The following NELFA variants were observed in gnomAD, a reference collection of about 807,000 sequenced individuals.
The protein encoded by NELFA is negative elongation factor complex member A, also known as negative elongation factor A.
NELFA carries 35 observed loss-of-function variants against 51.8 expected under a neutral mutation model. That is an observed-to-expected ratio of 0.68 (90% CI 0.52 to 0.90). NELFA has a LOEUF of 0.90. Among genes scored for constraint, NELFA ranks in the 40% least tolerant of loss-of-function variants. The probability of loss-of-function intolerance (pLI) is 0.00; values close to 1 mark genes in which losing one functional copy is unlikely to be tolerated. For synonymous variants in NELFA, 417 were observed against 338.4 expected (o/e 1.23, Z -2.55); for missense variants, 658 against 746.4 (o/e 0.88, Z 1.38).
chr4:1,992,280 G>A (rs1317362264), intron 1 of NELFA: 2 of 247,546 alleles, frequency 8.1e-6, no homozygotes, highest in South Asian at 7.0e-5. Flanking sequence ...TCTGGACGGC[G>A]CTGGGAGTTG....
rs374310144 is a variant in NELFA, at chr4:1,986,312, G to A, written c.725C>T (p.Pro242Leu). 6.3e-6 allele frequency: 10 copies of A among 1,593,230 alleles called. No homozygotes were observed. Among genetic ancestry groups the A allele is most frequent in the African/African-American group, 2.7e-5 (2 of 74,490 alleles). The change falls in exon 5 of 11, where the codon CCG becomes CTG. Residue 242 changes from proline (P) to leucine (L), a missense_variant. Transcript: ENST00000382882. The stretch of plus-strand genomic sequence containing the variant: ...CTTCCGCAGCAGCGTCCTGGAAGGC[G>A]GGATGGGGGTCCGGTTCCCTGTGGG... ...FSPTGNRTPI[P>L]PSRTLLRKER... is the part of the protein sequence containing the mutation.
At chr4:1,991,993 T>C in intron 1 of NELFA, 1 of 369,794 alleles carries the variant, frequency 2.7e-6, no homozygotes, top group East Asian at 5.3e-5. Context: ...CCACTGGGCC[T>C]ACTCTTCCAC....
intron 1 of NELFA, among the ~76,000 whole-genome samples, chr4:2,002,182 A>G (rs1367538273): frequency 6.6e-6 from 1 of 152,172 alleles, no homozygotes; most frequent in East Asian, 1.9e-4. Context: ...CCTGGGCGAC[A>G]AAGCGAGACT....
chr4:1,986,520 C>T lies in NELFA; in HGVS notation c.635-118G>A, dbSNP rs763273918. ...CGCCGCAGAGGGGAAGGGCCAAACC[C>T]CTGGCGGGCAGCGGGCAGGACCCCC... is the stretch of plus-strand genomic sequence containing the variant. On this transcript the variant is annotated intron_variant, in intron 4 of 10. Transcript: ENST00000382882. The T allele has an allele frequency of 4.6e-6, 7 of 1,514,434 alleles. No homozygotes were observed. The Admixed American group carries it at 1.2e-4, about 26-fold the overall frequency. The allele number at this position is 1,514,434 out of a possible 1,614,324, so 93.8% of individuals were successfully genotyped here. A position where few individuals can be genotyped will look rare whatever the true frequency, so the allele number is the denominator to read the frequency against.
In NELFA at chr4:1,989,120, ATTT is replaced by A. The variant is rs1003261907; in HGVS notation, c.544+585_544+587del. ...ACCACCACAGCCAGCTAATTTTTGT[ATTT>A]TTAGTAGAGACGGGGTTTCACCATG... On this transcript the variant is annotated intron_variant, in intron 3 of 10. Transcript: ENST00000382882. This position sits in a 1 kb window ranked among gnomAD's most constrained non-coding sequence, Gnocchi z 4.8. Among the ~76,000 whole-genome samples, 1 of 151,716 alleles carries A rather than the reference ATTT, an allele frequency of 6.6e-6. No individual in the cohort carries two copies.
chr4:1,984,484 T>C (rs1221278365), intron 8 of NELFA, among the ~76,000 whole-genome samples: 1 of 151,972 alleles, frequency 6.6e-6, no homozygotes, highest in Non-Finnish European at 1.5e-5. Context: ...AGGGGATGGC[T>C]CTCAGCTCCC....
chr4:1,989,459 C>T lies in NELFA; in HGVS notation c.544+249G>A, dbSNP rs1484832387. Among the ~76,000 whole-genome samples, 1 of 152,116 alleles carries T rather than the reference C, an allele frequency of 6.6e-6. No homozygotes were observed. Among genetic ancestry groups the T allele is most frequent in the Non-Finnish European group, 1.5e-5 (1 of 68,042 alleles). On this transcript the variant is annotated intron_variant, in intron 3 of 10. Coordinates refer to ENST00000382882, the MANE Select transcript of NELFA (RefSeq NM_005663.5). The surrounding 1 kb of genome is among the most constrained non-coding windows in gnomAD (Gnocchi z 4.8). ...CCTCCTACCTCAGCCTTCCGAGTAG[C>T]TGGGAGCACAGGCACGCACCACCAT...
intron 1 of NELFA, chr4:1,992,478 C>G (rs921240902): frequency 2.3e-6 from 1 of 434,670 alleles, no homozygotes; most frequent in East Asian, 8.3e-5. Flanking sequence ...ACGCAGAGAG[C>G]CAGGCCATGG....
chr4:1,999,424 AG>A (rs1201666362), intron 1 of NELFA, among the ~76,000 whole-genome samples: 1 of 152,124 alleles, frequency 6.6e-6, no homozygotes, highest in East Asian at 1.9e-4. Flanking sequence ...AGACACACAC[AG>A]GCTCAGAATA....
In NELFA at chr4:1,983,393, CTG is replaced by C; in HGVS notation, c.1511_1512del (p.Thr504SerfsTer3). On this transcript the variant is annotated frameshift_variant, in exon 11 of 11. Coordinates refer to ENST00000382882, the MANE Select transcript of NELFA (RefSeq NM_005663.5). LOFTEE classifies it high-confidence loss of function. The stretch of plus-strand genomic sequence containing the variant: ...CCCGTGGCATAGTTCATCTCAAACA[CTG>C]TGTCCACCAGCATGGTTGTGCTACC... ...GQGSTTMLVD[T>X]VFEMNYATGQ... 1.2e-6 allele frequency: 2 copies of C among 1,614,234 alleles called. No individual in the cohort carries two copies. Among genetic ancestry groups the C allele is most frequent in the Non-Finnish European group, 1.7e-6 (2 of 1,180,034 alleles).
At chr4:1,990,203 G>A in intron 2 of NELFA, 1 of 415,648 alleles carries the variant, frequency 2.4e-6, no homozygotes, top group Non-Finnish European at 4.6e-6. Context: ...AATGTTAACA[G>A]ATCCCACCCC....
intron 1 of NELFA, among the ~76,000 whole-genome samples, chr4:1,997,021 G>A (rs1728445245): frequency 6.6e-6 from 1 of 152,142 alleles, no homozygotes; most frequent in South Asian, 2.1e-4. Flanking sequence ...AGGTGAGGCA[G>A]GAGATCACTT....
chr4:1,986,830 C>G (rs1045372988), intron 4 of NELFA, among the ~76,000 whole-genome samples: 1 of 152,216 alleles, frequency 6.6e-6, no homozygotes, highest in Non-Finnish European at 1.5e-5. Context: ...AGCGCCCACA[C>G]GCACCCTCCA....
intron 1 of NELFA, among the ~76,000 whole-genome samples, chr4:1,997,474 G>A (rs1310328992): frequency 6.6e-6 from 1 of 152,202 alleles, no homozygotes; most frequent in African/African-American, 2.4e-5. Context: ...AGGAATGCAA[G>A]GTTGGTTTAT....
At chr4:1,991,780 A>G (rs762130962) in intron 1 of NELFA, 65 bp from the exon 2 acceptor site, 49 of 1,503,210 alleles carry the variant, frequency 3.3e-5, no homozygotes, top group Non-Finnish European at 4.4e-5. Context: ...CTCCCTGCTG[A>G]GCTTCCGGAT....
At chr4:1,990,151 T>A in intron 2 of NELFA, 2 of 483,272 alleles carry the variant, frequency 4.1e-6, no homozygotes, top group South Asian at 4.3e-5. Flanking sequence ...CGGACATAGA[T>A]ACAGTGATTC....
chr4:1,987,931 C>A lies in NELFA; in HGVS notation c.621G>T (p.Lys207Asn). 6.2e-7 allele frequency: 1 copy of A among 1,607,746 alleles called. No individual in the cohort carries two copies. The highest frequency in any genetic ancestry group is 8.5e-7 in the Non-Finnish European group (1 of 1,178,344). ...TGGGGGCCTTACTGGTGGTGTCCAT[C>A]TTCCGCAGCAGCCCCCGGCCCTTGG... ...FHAKGRGLLR[K>N]MDTTTPLKGI... The change falls in exon 4 of 11, where the codon AAG becomes AAT. Residue 207 changes from lysine to asparagine, a missense_variant. This residue lies in a region of NELFA where 371 missense variants were observed against 448.3 expected (regional missense o/e 0.83). Transcript: ENST00000382882.
chr4:1,984,787 G>C (rs1226541261), intron 8 of NELFA, 21 bp downstream of exon 8: 5 of 1,537,870 alleles, frequency 3.3e-6, no homozygotes, highest in East Asian at 4.9e-5. Context: ...GCTGGTTCCA[G>C]GCTGGGGCCA....
chr4:1,985,608 G>A (rs779517823), intron 7 of NELFA, among the ~76,000 whole-genome samples, 168 bp downstream of exon 7: 1 of 152,290 alleles, frequency 6.6e-6, no homozygotes. Flanking sequence ...GTCAGGGCAC[G>A]GCCCACACTG....
Sources: allele counts gnomAD v4.1 joint callset (sites outside exome capture counted in the v4.1 genomes callset), GRCh38; gene constraint gnomAD v4.1.1; regional missense constraint gnomAD v4.1.1; non-coding constraint Gnocchi (gnomAD v3.1); transcripts MANE v1.5; gene names NCBI Gene and HGNC (gene_info 2026-07-23, HGNC 2026-07-21).